The following SLC8A1 variants were observed in gnomAD, a reference collection of about 807,000 sequenced individuals.
The protein encoded by SLC8A1 is sodium/calcium exchanger 1.
A neutral mutation model predicts 68.3 loss-of-function variants in SLC8A1; 18 were observed. The observed-to-expected ratio is 0.26, with a 90% CI of 0.18 to 0.39. The LOEUF is 0.39. Ranked by LOEUF, SLC8A1 falls within the 10% of genes least tolerant of loss-of-function variation. The pLI is 1.00. For synonymous variants in SLC8A1, 475 were observed against 415.5 expected, an observed-to-expected ratio of 1.14 and a Z score of -1.74; for missense variants, 985 against 1,156.7, an observed-to-expected ratio of 0.85 and a Z score of 2.15.
intron 6 of SLC8A1, among the ~76,000 whole-genome samples, chr2:40,158,557 C>T (rs2045044230): frequency 6.6e-6 from 1 of 152,126 alleles, no homozygotes; most frequent in African/African-American, 2.4e-5. Context: ...ATTAACAATT[C>T]TTCAAAAGCT....
At chr2:40,416,495 C>G (rs1343110288) in intron 2 of SLC8A1, among the ~76,000 whole-genome samples, 1 of 152,036 alleles carries the variant, frequency 6.6e-6, no homozygotes, top group African/African-American at 2.4e-5. Context: ...ACACTTTACT[C>G]TAAATCTTAT....
intron 2 of SLC8A1, among the ~76,000 whole-genome samples, chr2:40,394,232 G>A (rs932211104): frequency 9.2e-5 from 14 of 152,030 alleles, no homozygotes; most frequent in African/African-American, 2.7e-4. Flanking sequence ...TGTCCAACAC[G>A]GTTGCAACAT....
chr2:40,360,847 G>T (rs563379116), intron 2 of SLC8A1, among the ~76,000 whole-genome samples: 3 of 152,200 alleles, frequency 2.0e-5, no homozygotes, highest in African/African-American at 7.2e-5. Flanking sequence ...CCCTCTGCTG[G>T]GGCCACACAG....
intron 2 of SLC8A1, among the ~76,000 whole-genome samples, chr2:40,374,512 A>G (rs1408534513): frequency 6.6e-6 from 1 of 152,042 alleles, no homozygotes; most frequent in East Asian, 1.9e-4. Context: ...TACATTTTGC[A>G]TAGGGGTGAC....
At chr2:40,120,104 C>CA (rs1466534371) in intron 7 of SLC8A1, among the ~76,000 whole-genome samples, 2 of 152,062 alleles carry the variant, frequency 1.3e-5, no homozygotes, top group African/African-American at 4.8e-5. Flanking sequence ...ATCTCTTCTG[C>CA]AAAAAAAGGT....
At chr2:40,380,855 G>C (rs1213046060) in intron 2 of SLC8A1, among the ~76,000 whole-genome samples, 2 of 152,008 alleles carry the variant, frequency 1.3e-5, no homozygotes, top group African/African-American at 4.8e-5. Flanking sequence ...TACTTCTTCA[G>C]GGAATGTGCT....
rs115025199 is a variant in SLC8A1, at chr2:40,310,032, T to G, written c.1808+118441A>C. On this transcript the variant is annotated intron_variant, in intron 2 of 7. Coordinates refer to ENST00000406785, the Ensembl canonical transcript of SLC8A1. ...CACTAGCCTACTTTTTATTTCTGATTATTTCATATAAATGGAATCATACAA... is the reference window on the plus strand; with the variant it reads ...CACTAGCCTACTTTTTATTTCTGATGATTTCATATAAATGGAATCATACAA... Among the ~76,000 whole-genome samples the G allele has an allele frequency of 7.4e-3, 1,130 of 152,330 alleles. 10 individuals carry two copies. The highest frequency in any genetic ancestry group is 0.012 in the Non-Finnish European group (846 of 68,038).
chr2:40,342,371 T>A (rs1195134966), intron 2 of SLC8A1, among the ~76,000 whole-genome samples: 3 of 152,166 alleles, frequency 2.0e-5, no homozygotes, highest in Non-Finnish European at 4.4e-5. Context: ...TGTAGGCAAA[T>A]CATATTTTTA....
exon 8 of SLC8A1, chr2:40,109,672 G>C (rs1472846258): frequency 6.6e-6 from 1 of 152,142 alleles, no homozygotes; most frequent in Non-Finnish European, 1.5e-5. Context: ...AGGGTAGTTG[G>C]ATATAATGGG....
intron 2 of SLC8A1, among the ~76,000 whole-genome samples, chr2:40,189,376 A>G (rs1463478467): frequency 1.3e-5 from 2 of 152,226 alleles, no homozygotes; most frequent in Non-Finnish European, 2.9e-5. Flanking sequence ...TCTGTAGTGC[A>G]GTGGTGCAAT....
At chr2:40,280,200 A>G (rs985517161) in intron 2 of SLC8A1, among the ~76,000 whole-genome samples, 2 of 145,762 alleles carry the variant, frequency 1.4e-5, no homozygotes, top group East Asian at 2.0e-4. Context: ...TAAAATATGA[A>G]TGTCTGCCAT....
At chr2:40,348,188 T>A (rs1015280905) in intron 2 of SLC8A1, among the ~76,000 whole-genome samples, 12 of 152,152 alleles carry the variant, frequency 7.9e-5, no homozygotes, top group African/African-American at 2.9e-4. Context: ...GAACTGTACA[T>A]GAAGAAATCT....
At chr2:40,308,583 G>A (rs916918553) in intron 2 of SLC8A1, among the ~76,000 whole-genome samples, 1 of 151,992 alleles carries the variant, frequency 6.6e-6, no homozygotes, top group African/African-American at 2.4e-5. Flanking sequence ...AGACTTCTGG[G>A]AATCACCACC....
intron 2 of SLC8A1, among the ~76,000 whole-genome samples, chr2:40,390,705 A>G (rs1483393737): frequency 2.6e-5 from 4 of 152,046 alleles, no homozygotes; most frequent in Admixed American, 2.0e-4. Flanking sequence ...GGCTTCTGCC[A>G]TGTTTTTTTT....
At chr2:40,511,786 T>G (rs956035233) in intron 1 of SLC8A1, among the ~76,000 whole-genome samples, 1 of 152,134 alleles carries the variant, frequency 6.6e-6, no homozygotes, top group Non-Finnish European at 1.5e-5. Context: ...CCCGTGTTTG[T>G]GAAAACAACC....
chr2:40,207,612 C>T (rs976228932), intron 2 of SLC8A1, among the ~76,000 whole-genome samples: 4 of 151,816 alleles, frequency 2.6e-5, no homozygotes, highest in African/African-American at 9.7e-5. Context: ...TAAACAAATC[C>T]ACATTAAGAA....
chr2:40,468,849 G>C (rs1208957600), intron 1 of SLC8A1, among the ~76,000 whole-genome samples: 3 of 152,080 alleles, frequency 2.0e-5, no homozygotes, highest in African/African-American at 7.2e-5. Context: ...GCTGAGGTGG[G>C]AGGGTTGTTT....
intron 1 of SLC8A1, among the ~76,000 whole-genome samples, chr2:40,463,887 C>CACACACACACACACACACACAT (rs796954298): frequency 1.3e-4 from 14 of 108,598 alleles, no homozygotes; most frequent in East Asian, 5.2e-4. Context: ...CACACACACA[C>CACACACACACACACACACACAT]ATATATATAT....
chr2:40,253,008 T>C (rs1044306614), intron 2 of SLC8A1, among the ~76,000 whole-genome samples: 4 of 131,306 alleles, frequency 3.0e-5, no homozygotes, highest in African/African-American at 1.1e-4. Flanking sequence ...TACATATATA[T>C]GTATCTGTAT....
Sources: allele counts gnomAD v4.1 joint callset (sites outside exome capture counted in the v4.1 genomes callset), GRCh38; gene constraint gnomAD v4.1.1; transcripts MANE v1.5; gene names NCBI Gene and HGNC (gene_info 2026-07-23, HGNC 2026-07-21).